The following ATP11A variants were observed in gnomAD, a reference collection of about 807,000 sequenced individuals.
ATP11A encodes the protein ATPase phospholipid transporting 11A.
Under a neutral mutation model 154.4 loss-of-function variants are expected in ATP11A, and 81 were observed. The ratio of observed to expected loss-of-function variants is 0.52; its 90% CI spans 0.44 to 0.63. The LOEUF (loss-of-function observed/expected upper bound fraction) is 0.63. Among genes scored for constraint, ATP11A ranks in the 30% least tolerant of loss-of-function variants. ATP11A has a pLI of 0.00. For synonymous variants in ATP11A, 623 were observed against 585.9 expected, an observed-to-expected ratio of 1.06 and a Z score of -0.91; for missense variants, 1,316 against 1,474.3, an observed-to-expected ratio of 0.89 and a Z score of 1.76.
chr13:112,744,433 G>T (rs1419535775), intron 1 of ATP11A, among the ~76,000 whole-genome samples: 1 of 152,236 alleles, frequency 6.6e-6, no homozygotes, highest in Non-Finnish European at 1.5e-5. Flanking sequence ...GGATTTCTCT[G>T]AGTGGCGATT....
intron 6 of ATP11A, 51 bp downstream of exon 6, chr13:112,816,262 C>T (rs778219102): frequency 4.3e-5 from 70 of 1,611,276 alleles, no homozygotes; most frequent in African/African-American, 2.5e-4. Context: ...TGTCCTGCTT[C>T]GGACTGTGCC....
chr13:112,779,311 G>A (rs980176169), intron 1 of ATP11A, among the ~76,000 whole-genome samples: 6 of 142,810 alleles, frequency 4.2e-5, no homozygotes, highest in African/African-American at 1.6e-4. Context: ...CCGCTGGAGT[G>A]AGGAGTAGCC....
At chr13:112,749,031 G>T (rs902935550) in intron 1 of ATP11A, among the ~76,000 whole-genome samples, 14 of 152,232 alleles carry the variant, frequency 9.2e-5, no homozygotes, top group African/African-American at 2.9e-4. Flanking sequence ...GGGCGTCAGG[G>T]TGCCCACAGC....
At chr13:112,821,863 A>G (rs540013199) in intron 8 of ATP11A, among the ~76,000 whole-genome samples, 2 of 152,316 alleles carry the variant, frequency 1.3e-5, no homozygotes, top group South Asian at 2.1e-4. Context: ...AGGAATTATT[A>G]TAAGTGTGTT....
At chr13:112,839,893 C>T (rs2079346694) in intron 16 of ATP11A, among the ~76,000 whole-genome samples, 1 of 152,192 alleles carries the variant, frequency 6.6e-6, no homozygotes, top group African/African-American at 2.4e-5. Context: ...GTCATTTGGA[C>T]CACAGTTCTC....
chr13:112,784,020 C>T (rs368348731), intron 1 of ATP11A, among the ~76,000 whole-genome samples: 2 of 152,116 alleles, frequency 1.3e-5, no homozygotes, highest in East Asian at 1.9e-4. Flanking sequence ...CACAGTGGGG[C>T]AAGAGCCTGG....
chr13:112,823,825 C>T (rs1240783217), intron 9 of ATP11A, among the ~76,000 whole-genome samples: 1 of 152,218 alleles, frequency 6.6e-6, no homozygotes, highest in Non-Finnish European at 1.5e-5. Context: ...AGGTGTTCCT[C>T]AGTGTCCTTG....
chr13:112,806,353 C>A, intron 4 of ATP11A, 60 bp downstream of exon 4: 1 of 1,333,848 alleles, frequency 7.5e-7, no homozygotes, highest in Non-Finnish European at 1.1e-6. Context: ...AATTGCCTTT[C>A]ATTCAAAGCG....
At position 112,787,033 on chromosome 13, in the gene ATP11A, C is replaced by T. The variant is rs35264371; in HGVS notation, c.162+1776C>T. Among the ~76,000 whole-genome samples the T allele has an allele frequency of 5.4e-3, 599 of 110,376 alleles. 18 individuals carry two copies. The highest frequency in any genetic ancestry group is 0.033 in the African/African-American group (532 of 16,006). The allele number at this position is 110,376 out of a possible 152,430, so 72.4% of individuals were successfully genotyped here. A position where few individuals can be genotyped will look rare whatever the true frequency, so the allele number is the denominator to read the frequency against. ...ACACCGGGTGTCCTGATGCGTAGACCCCTGTGGATACCTACTTAATTCACA... is the reference window on the plus strand; with the variant it reads ...ACACCGGGTGTCCTGATGCGTAGACTCCTGTGGATACCTACTTAATTCACA... On this transcript the variant is annotated intron_variant, in intron 2 of 29. Coordinates refer to ENST00000375645, the MANE Select transcript of ATP11A (RefSeq NM_015205.3).
chr13:112,838,305 G>A lies in ATP11A; in HGVS notation c.1705+2054G>A, dbSNP rs1297121801. Among the ~76,000 whole-genome samples the A allele has an allele frequency of 2.0e-5, 3 of 152,198 alleles. No homozygotes were observed. Among genetic ancestry groups the A allele is most frequent in the East Asian group, 3.9e-4 (2 of 5,184 alleles). On this transcript the variant is annotated intron_variant, in intron 16 of 29. Transcript: ENST00000375645. The surrounding 1 kb of genome is among the most constrained non-coding windows in gnomAD (Gnocchi z 7.3). Reference sequence around the variant, plus strand: ...AGTTCCTGGTCCATCCCGTCACGTGGTTTTCCCCGTAGCAGTCGAATCTAG... The same window carrying A: ...AGTTCCTGGTCCATCCCGTCACGTGATTTTCCCCGTAGCAGTCGAATCTAG...
chr13:112,816,806 C>A (rs2078659194), intron 6 of ATP11A, among the ~76,000 whole-genome samples: 1 of 152,188 alleles, frequency 6.6e-6, no homozygotes. Context: ...AAAATAACTT[C>A]AGTGTTAACC....
At position 112,882,771 on chromosome 13, in the gene ATP11A, G is replaced by C. The variant is rs1235143155; in HGVS notation, c.*905G>C. On this transcript the variant is annotated 3_prime_UTR_variant, in exon 30 of 30. Coordinates refer to ENST00000375645, the MANE Select transcript of ATP11A (RefSeq NM_015205.3). This position sits in a 1 kb window ranked among gnomAD's most constrained non-coding sequence, Gnocchi z 5.1. ...CGGAGCCGTCAGTCCACTGTTACGG[G>C]AGAATGTTGATTTCGCGGGTGCGAG... The C allele has an allele frequency of 2.5e-6, 1 of 399,416 alleles. No homozygotes were observed. The highest frequency in any genetic ancestry group is 4.4e-6 in the Non-Finnish European group (1 of 226,748). 24.7% of individuals were successfully genotyped at this position (399,416 alleles called of 1,614,324 possible). A position where few individuals can be genotyped will look rare whatever the true frequency, so the allele number is the denominator to read the frequency against.
At chr13:112,710,830 C>T (rs987115480) in intron 1 of ATP11A, among the ~76,000 whole-genome samples, 2 of 152,220 alleles carry the variant, frequency 1.3e-5, no homozygotes, top group African/African-American at 2.4e-5. Flanking sequence ...CTTCACCTGC[C>T]GTCACTATCA....
In ATP11A at chr13:112,797,013, C is replaced by A. The variant is rs955652506; in HGVS notation, c.163-7944C>A. Among the ~76,000 whole-genome samples the A allele has an allele frequency of 4.6e-5, 7 of 152,006 alleles. No individual in the cohort carries two copies. The South Asian group carries it at 8.3e-4, about 18-fold the overall frequency. On this transcript the variant is annotated intron_variant, in intron 2 of 29. Transcript: ENST00000375645. ...ACGGTGGTCACGCCTGTAATCCTGG[C>A]GCTTTGGGAGGCTAAGGTGGGCAGA...
intron 1 of ATP11A, among the ~76,000 whole-genome samples, chr13:112,700,619 C>T (rs1209425443): frequency 1.3e-5 from 2 of 152,236 alleles, no homozygotes; most frequent in African/African-American, 2.4e-5. Flanking sequence ...AGTGAACGCC[C>T]TCCTGGCCCA....
In ATP11A at chr13:112,882,492, T is replaced by G; in HGVS notation, c.*626T>G. On this transcript the variant is annotated 3_prime_UTR_variant, in exon 30 of 30. Coordinates refer to ENST00000375645, the MANE Select transcript of ATP11A (RefSeq NM_015205.3). The surrounding 1 kb of genome is among the most constrained non-coding windows in gnomAD (Gnocchi z 5.1). ...CAACAACCCTCCAATCCGGATGCTGTGGGAAGGGCCGGGTCACTCGGATAC... is the reference window on the plus strand; with the variant it reads ...CAACAACCCTCCAATCCGGATGCTGGGGGAAGGGCCGGGTCACTCGGATAC... 2.2e-6 allele frequency: 1 copy of G among 461,858 alleles called. No individual in the cohort carries two copies. Among genetic ancestry groups the G allele is most frequent in the Non-Finnish European group, 3.8e-6 (1 of 264,068 alleles). 28.6% of individuals were successfully genotyped at this position (461,858 alleles called of 1,614,324 possible). A position where few individuals can be genotyped will look rare whatever the true frequency, so the allele number is the denominator to read the frequency against.
At chr13:112,757,771 C>G (rs545260252) in intron 1 of ATP11A, among the ~76,000 whole-genome samples, 1 of 152,362 alleles carries the variant, frequency 6.6e-6, no homozygotes, top group Admixed American at 6.5e-5. Flanking sequence ...TTTAAAAATA[C>G]CTACTCAAAA....
At chr13:112,770,591 G>A (rs1047524214) in intron 1 of ATP11A, among the ~76,000 whole-genome samples, 2 of 152,206 alleles carry the variant, frequency 1.3e-5, no homozygotes, top group Non-Finnish European at 2.9e-5. Flanking sequence ...ATGCCGGGAC[G>A]AAGGTGGGAG....
intron 5 of ATP11A, among the ~76,000 whole-genome samples, chr13:112,814,033 C>A (rs1352495312): frequency 6.6e-6 from 1 of 151,674 alleles, no homozygotes; most frequent in South Asian, 2.1e-4. Flanking sequence ...TGTTCAAGTC[C>A]AATTTCTTGA....
Sources: allele counts gnomAD v4.1 joint callset (sites outside exome capture counted in the v4.1 genomes callset), GRCh38; gene constraint gnomAD v4.1.1; non-coding constraint Gnocchi (gnomAD v3.1); transcripts MANE v1.5; gene names NCBI Gene and HGNC (gene_info 2026-07-23, HGNC 2026-07-21).